SRGAP3: variants seen among roughly 807,000 people sequenced by gnomAD.
SRGAP3 encodes SLIT-ROBO Rho GTPase activating protein 3.
A neutral mutation model predicts 121.1 loss-of-function variants in SRGAP3; 39 were observed. That is an observed-to-expected ratio of 0.32 (90% CI 0.25 to 0.42). SRGAP3 has a LOEUF of 0.42. Among genes scored for constraint, SRGAP3 ranks in the 10% least tolerant of loss-of-function variants. SRGAP3 has a pLI of 1.00. For missense variants in SRGAP3, 1,213 were observed against 1,470.6 expected (o/e 0.82, Z 2.86); for synonymous variants, 601 against 570.0 (o/e 1.05, Z -0.77).
At chr3:9,317,298 G>A (rs186705742) in intron 3 of SRGAP3, among the ~76,000 whole-genome samples, 272 of 152,318 alleles carry the variant, frequency 1.8e-3, no homozygotes, top group Non-Finnish European at 3.1e-3. Context: ...TATTTCGGCC[G>A]TAAATTTCCC....
At chr3:9,182,739 G>A (rs1350548075) in intron 1 of SRGAP3, among the ~76,000 whole-genome samples, 1 of 152,118 alleles carries the variant, frequency 6.6e-6, no homozygotes, top group East Asian at 1.9e-4. Flanking sequence ...CTGCAGCCGT[G>A]AACTCTTGGG....
At chr3:9,151,867 A>C (rs769952657) in intron 1 of SRGAP3, among the ~76,000 whole-genome samples, 4 of 152,234 alleles carry the variant, frequency 2.6e-5, no homozygotes, top group Non-Finnish European at 5.9e-5. Context: ...GATAAGCAGA[A>C]GCAGGCAACG....
rs1459815696 is a variant in SRGAP3, at chr3:9,109,500, G to A, written c.261-4658C>T. 6.6e-6 allele frequency among the ~76,000 whole-genome samples: 1 copy of A among 152,236 alleles called. No individual in the cohort carries two copies. The highest frequency in any genetic ancestry group is 1.5e-5 in the Non-Finnish European group (1 of 68,044). ...TCAAGTTGAAGTGAGCAGCTGCTGT[G>A]AAGATTCCTTCCAGCCCTCGTTCAC... On this transcript the variant is annotated intron_variant, in intron 2 of 21. Coordinates refer to ENST00000383836, the MANE Select transcript of SRGAP3 (RefSeq NM_014850.4). The surrounding 1 kb of genome is among the most constrained non-coding windows in gnomAD (Gnocchi z 4.4).
intron 5 of SRGAP3, among the ~76,000 whole-genome samples, chr3:9,064,008 C>T (rs948018610): frequency 7.9e-5 from 12 of 152,210 alleles, no homozygotes; most frequent in African/African-American, 2.9e-4. Context: ...ACCCCCCGCC[C>T]CTACCCTTGG....
chr3:9,064,886 A>AATAAATAG, intron 4 of SRGAP3, among the ~76,000 whole-genome samples: 1 of 140,830 alleles, frequency 7.1e-6, no homozygotes, highest in Non-Finnish European at 1.6e-5. Context: ...TAAATAAATA[A>AATAAATAG]ATAAGGAGGA....
In SRGAP3 at chr3:9,286,626, G is replaced by A. The variant is rs182649685; in HGVS notation, n.442+39384C>T. On this transcript the variant is annotated intron_variant and non_coding_transcript_variant, in intron 3 of 3. Transcript: ENST00000490889. ...TTGTTGTTGTTGTTGTTTTTGAGAC[G>A]GAGTCTCGCTCTGTCGCCCAGGCTG... Among the ~76,000 whole-genome samples, 403 of 152,100 alleles carry A rather than the reference G, an allele frequency of 2.6e-3. 1 individual carries two copies. Among genetic ancestry groups the A allele is most frequent in the African/African-American group, 9.0e-3 (375 of 41,524 alleles).
Position 9,239,762 on chromosome 3 carries a change from C to T in SRGAP3, c.67+9123G>A, listed in dbSNP as rs979699262. ...TTTCCTAGGTGAACTCAAAGCACTA[C>T]ATTGATATCACTCAGCTCAACTAGA... On this transcript the variant is annotated intron_variant, in intron 1 of 21. Coordinates refer to ENST00000383836, the MANE Select transcript of SRGAP3 (RefSeq NM_014850.4). The surrounding 1 kb of genome is among the most constrained non-coding windows in gnomAD (Gnocchi z 4.0). Among the ~76,000 whole-genome samples the T allele has an allele frequency of 1.3e-5, 2 of 152,230 alleles. No homozygotes were observed. The highest frequency in any genetic ancestry group is 2.9e-5 in the Non-Finnish European group (2 of 68,040).
At chr3:9,325,624 C>T (rs531529104) in intron 3 of SRGAP3, among the ~76,000 whole-genome samples, 2 of 151,968 alleles carry the variant, frequency 1.3e-5, no homozygotes, top group East Asian at 3.9e-4. Flanking sequence ...CAAATGATGT[C>T]CTTCTAGACG....
At chr3:9,036,415 A>C (rs575247356) in intron 11 of SRGAP3, 1 of 152,334 alleles carries the variant, frequency 6.6e-6, no homozygotes, top group Non-Finnish European at 1.5e-5. Context: ...CAGAGTACAC[A>C]GGGCTATGTC....
chr3:9,013,864 C>G, intron 15 of SRGAP3, 22 bp from the exon 16 acceptor site: 1 of 1,608,324 alleles, frequency 6.2e-7, no homozygotes, highest in Non-Finnish European at 8.5e-7. Context: ...AGGGGCCTTT[C>G]AGCGTGCCTT....
At chr3:9,270,049 C>T (rs1207719687) in intron 3 of SRGAP3, among the ~76,000 whole-genome samples, 1 of 152,084 alleles carries the variant, frequency 6.6e-6, no homozygotes, top group East Asian at 1.9e-4. Context: ...TTTAGTAGAT[C>T]TGGGGTGGGG....
intron 1 of SRGAP3, among the ~76,000 whole-genome samples, chr3:9,141,418 A>C (rs1949842048): frequency 6.6e-6 from 1 of 151,900 alleles, no homozygotes; most frequent in Non-Finnish European, 1.5e-5. Flanking sequence ...GAAAGCCACT[A>C]CATCAGGCTG....
chr3:9,028,179 T>A (rs752422052), intron 12 of SRGAP3: 8 of 1,611,470 alleles, frequency 5.0e-6, no homozygotes, highest in Middle Eastern at 1.7e-4. Flanking sequence ...AAAGAAAAGA[T>A]TATGCAGGAA....
intron 3 of SRGAP3, among the ~76,000 whole-genome samples, chr3:9,261,490 T>C (rs1428203030): frequency 6.6e-6 from 1 of 151,536 alleles, no homozygotes; most frequent in Non-Finnish European, 1.5e-5. Flanking sequence ...AATAACCAGT[T>C]TAGAAAAGAA....
chr3:9,104,840 T>C lies in SRGAP3; in HGVS notation c.263A>G (p.Lys88Arg), dbSNP rs1236330840. The C allele has an allele frequency of 2.5e-6, 4 of 1,614,134 alleles. No individual in the cohort carries two copies. The highest frequency in any genetic ancestry group is 3.4e-6 in the Non-Finnish European group (4 of 1,180,044). The change falls in exon 3 of 22, where the codon AAG becomes AGG. Residue 88 changes from lysine to arginine, a missense_variant and splice_region_variant. Physicochemically the swap from Lys to Arg is conservative, Grantham distance 26. This residue lies in a region of SRGAP3 where 793 missense variants were observed against 1,032.9 expected (regional missense o/e 0.77). Coordinates refer to ENST00000383836, the MANE Select transcript of SRGAP3 (RefSeq NM_014850.4). ...IRSSREHQFK[K>R]DQYLLSPVNC... ...CACAGGCGAGAGGAGGTACTGGTCC[T>C]TCCTGTGGAAACCAAGAAAGCTCAG... is the stretch of plus-strand genomic sequence containing the variant.
At chr3:8,995,241 G>C (rs976742287) in intron 18 of SRGAP3, among the ~76,000 whole-genome samples, 6 of 152,178 alleles carry the variant, frequency 3.9e-5, no homozygotes, top group Non-Finnish European at 8.8e-5. Flanking sequence ...GGAGGCTGAG[G>C]CAGGAGGATC....
At position 9,159,639 on chromosome 3, in the gene SRGAP3, G is replaced by T. The variant is rs200018335; in HGVS notation, c.68-34722C>A. Among the ~76,000 whole-genome samples, 10 of 135,914 alleles carry T rather than the reference G, an allele frequency of 7.4e-5. No individual in the cohort carries two copies. The East Asian group carries it at 1.9e-3, about 26-fold the overall frequency. 89.2% of individuals were successfully genotyped at this position (135,914 alleles called of 152,430 possible). On this transcript the variant is annotated intron_variant, in intron 1 of 21. Transcript: ENST00000383836. ...GTTTACCCATATAACAAACCTGCAC[G>T]TATACCCCTGATCCTAAAATAAAAG...
At chr3:9,203,768 A>G (rs1375352600) in intron 1 of SRGAP3, among the ~76,000 whole-genome samples, 1 of 152,270 alleles carries the variant, frequency 6.6e-6, no homozygotes, top group African/African-American at 2.4e-5. Flanking sequence ...TAAGTAATAA[A>G]GCTAGGTGCT....
rs545496383 is a variant in SRGAP3, at chr3:8,985,651, G to C, written c.3168C>G (p.Pro1056=). Residue 1056 remains proline, a synonymous_variant, in exon 22 of 22, where the codon CCC becomes CCG. Transcript: ENST00000383836. The surrounding 1 kb of genome is among the most constrained non-coding windows in gnomAD (Gnocchi z 5.1). ...GGACCACCGGCCGCACGGGCCGCAT[G>C]GGGGGCGGGCGGAGCTGGGCGCCAG... ...RLAGAQLRPP[P]MRPVRPVVQH... 7.3e-5 allele frequency: 116 copies of C among 1,595,488 alleles called. No individual in the cohort carries two copies. Among genetic ancestry groups the C allele is most frequent in the Non-Finnish European group, 9.1e-5 (107 of 1,177,906 alleles).
Sources: allele counts gnomAD v4.1 joint callset (sites outside exome capture counted in the v4.1 genomes callset), GRCh38; gene constraint gnomAD v4.1.1; regional missense constraint gnomAD v4.1.1; non-coding constraint Gnocchi (gnomAD v3.1); transcripts MANE v1.5; gene names NCBI Gene and HGNC (gene_info 2026-07-23, HGNC 2026-07-21).